Variants in MRTFA observed in about 807,000 individuals in gnomAD.
MRTFA encodes the protein myocardin related transcription factor A.
A neutral mutation model predicts 83.5 loss-of-function variants in MRTFA; 20 were observed. The ratio of observed to expected loss-of-function variants is 0.24; its 90% CI spans 0.17 to 0.35. MRTFA has a LOEUF of 0.35. Ranked by LOEUF, MRTFA falls within the 10% of genes least tolerant of loss-of-function variation. The pLI, the probability that MRTFA is intolerant of heterozygous loss-of-function variation, is 1.00. For missense variants in MRTFA, 1,200 were observed against 1,224.7 expected (o/e 0.98, Z 0.30); for synonymous variants, 659 against 541.2 (o/e 1.22, Z -3.02).
At chr22:40,636,433 G>C (rs2056701520) in intron 1 of MRTFA, 45 bp downstream of exon 1, 3 of 152,202 alleles carry the variant, frequency 2.0e-5, no homozygotes, top group Admixed American at 6.5e-5. Context: ...CAGGCGGGGC[G>C]AGGCCGCGGT....
At chr22:40,439,104 AT>A (rs2053226074) in intron 4 of MRTFA, among the ~76,000 whole-genome samples, 1 of 152,196 alleles carries the variant, frequency 6.6e-6, no homozygotes. Context: ...TTATAACCTA[AT>A]TTTTTTAAGT....
In MRTFA at chr22:40,583,799, CT is replaced by C. The variant is rs1301160092; in HGVS notation, c.-22+10874del. 2.6e-5 allele frequency among the ~76,000 whole-genome samples: 4 copies of C among 152,184 alleles called. No individual in the cohort carries two copies. The East Asian group carries it at 7.7e-4, about 29-fold the overall frequency. ...AGCTTCATCCCAAAACCTTGCCCCC[CT>C]GCCTCAGTCCATGGAAAAACTTTCT... is the stretch of plus-strand genomic sequence containing the variant. On this transcript the variant is annotated intron_variant, in intron 2 of 14. Coordinates refer to ENST00000355630, the MANE Select transcript of MRTFA (RefSeq NM_020831.6).
intron 4 of MRTFA, among the ~76,000 whole-genome samples, chr22:40,461,585 C>T (rs2053713115): frequency 6.8e-6 from 1 of 147,414 alleles, no homozygotes; most frequent in South Asian, 2.1e-4. Flanking sequence ...GAGATCGAGA[C>T]CAACCTGGCT....
chr22:40,466,444 T>C (rs1226567614), intron 3 of MRTFA, among the ~76,000 whole-genome samples: 1 of 152,184 alleles, frequency 6.6e-6, no homozygotes, highest in Non-Finnish European at 1.5e-5. Context: ...CTAGGATTCG[T>C]ACCCACATTT....
At chr22:40,494,903 A>T (rs1321441885) in intron 3 of MRTFA, among the ~76,000 whole-genome samples, 2 of 152,176 alleles carry the variant, frequency 1.3e-5, no homozygotes, top group Non-Finnish European at 2.9e-5. Flanking sequence ...AAAGAGGCAT[A>T]ATGGAATTTT....
chr22:40,540,776 CAAAAA>C (rs11398739), intron 3 of MRTFA, among the ~76,000 whole-genome samples: 3 of 91,134 alleles, frequency 3.3e-5, no homozygotes, highest in African/African-American at 8.8e-5. Context: ...GACTCTGTCT[CAAAAA>C]AAAAAAAAAA....
In MRTFA at chr22:40,418,734, G is replaced by C. The variant is rs373182628; in HGVS notation, c.2004C>G (p.Pro668=). 14,904 of 1,469,248 alleles carry C rather than the reference G, an allele frequency of 0.01. 107 individuals are homozygous for C. The highest frequency in any genetic ancestry group is 0.013 in the Non-Finnish European group (13,912 of 1,112,274). The allele number at this position is 1,469,248 out of a possible 1,614,324, so 91.0% of individuals were successfully genotyped here. Reference sequence around the variant, plus strand: ...GCTTCACGGGGGTGCCGAGGGGGGCGGGGGCGGGGGCGGGCTGCTGGGCTC... The same window carrying C: ...GCTTCACGGGGGTGCCGAGGGGGGCCGGGGCGGGGGCGGGCTGCTGGGCTC... Residue 668 remains proline, a synonymous_variant, in exon 12 of 15, where the codon CCC becomes CCG. Coordinates refer to ENST00000355630, the MANE Select transcript of MRTFA (RefSeq NM_020831.6).
intron 3 of MRTFA, among the ~76,000 whole-genome samples, chr22:40,518,568 C>T (rs1461257555): frequency 2.0e-5 from 3 of 151,658 alleles, no homozygotes; most frequent in Non-Finnish European, 2.9e-5. Flanking sequence ...CCGAGGTGGG[C>T]GGATCACAAA....
chr22:40,500,117 G>C (rs1342431386), intron 3 of MRTFA, among the ~76,000 whole-genome samples: 1 of 151,238 alleles, frequency 6.6e-6, no homozygotes, highest in Non-Finnish European at 1.5e-5. Flanking sequence ...TTTTAGTAGA[G>C]ATGGGGTTTC....
At chr22:40,503,152 T>G (rs2054524652) in intron 3 of MRTFA, among the ~76,000 whole-genome samples, 1 of 152,254 alleles carries the variant, frequency 6.6e-6, no homozygotes, top group Non-Finnish European at 1.5e-5. Flanking sequence ...AAAGGCAGGT[T>G]CTTCACTTTA....
chr22:40,412,152 A>C, intron 14 of MRTFA: 1 of 340,802 alleles, frequency 2.9e-6, no homozygotes, highest in Non-Finnish European at 5.2e-6. Flanking sequence ...AAAAAACCAA[A>C]CTTGACTCAA....
At chr22:40,594,934 A>T (rs1569344427) in intron 1 of MRTFA, among the ~76,000 whole-genome samples, 199 bp from the exon 2 acceptor site, 1 of 151,036 alleles carries the variant, frequency 6.6e-6, no homozygotes. Flanking sequence ...GTTAAATAAT[A>T]GGTAACACTG....
chr22:40,484,552 T>C (rs1344213764), intron 3 of MRTFA, among the ~76,000 whole-genome samples: 1 of 152,226 alleles, frequency 6.6e-6, no homozygotes, highest in African/African-American at 2.4e-5. Context: ...ACCGCAACTT[T>C]GTATTTCCTG....
chr22:40,505,056 A>C (rs902792622), intron 3 of MRTFA, among the ~76,000 whole-genome samples: 1 of 152,234 alleles, frequency 6.6e-6, no homozygotes, highest in Non-Finnish European at 1.5e-5. Flanking sequence ...AAAATAAAAC[A>C]GAGCTCTATG....
At chr22:40,468,692 A>G (rs2053851018) in intron 3 of MRTFA, among the ~76,000 whole-genome samples, 1 of 152,258 alleles carries the variant, frequency 6.6e-6, no homozygotes. Context: ...CTGGACTAGA[A>G]ATTATATGCC....
chr22:40,577,283 T>C (rs1477217872), intron 2 of MRTFA, among the ~76,000 whole-genome samples: 3 of 145,938 alleles, frequency 2.1e-5, no homozygotes, highest in African/African-American at 7.6e-5. Context: ...TATAATGAGA[T>C]TGAACAGAAA....
intron 1 of MRTFA, among the ~76,000 whole-genome samples, chr22:40,596,803 T>C (rs574300324): frequency 1.7e-4 from 26 of 151,858 alleles, no homozygotes; most frequent in African/African-American, 6.0e-4. Context: ...AGACTCCATC[T>C]CAAAAACAAC....
chr22:40,600,396 A>G (rs1257540308), intron 1 of MRTFA, among the ~76,000 whole-genome samples: 1 of 152,190 alleles, frequency 6.6e-6, no homozygotes, highest in Non-Finnish European at 1.5e-5. Flanking sequence ...TATCCACCAC[A>G]AATCTTTCCT....
At chr22:40,466,649 G>C (rs963868616) in intron 3 of MRTFA, among the ~76,000 whole-genome samples, 1 of 152,154 alleles carries the variant, frequency 6.6e-6, no homozygotes. Context: ...TTTTATTTCA[G>C]AGAATAAGGG....
Sources: allele counts gnomAD v4.1 joint callset (sites outside exome capture counted in the v4.1 genomes callset), GRCh38; gene constraint gnomAD v4.1.1; transcripts MANE v1.5; gene names NCBI Gene and HGNC (gene_info 2026-07-23, HGNC 2026-07-21).